Variants in ABCA4 observed in about 807,000 individuals in gnomAD.
ABCA4 encodes the protein ATP binding cassette subfamily A member 4, also known as retinal-specific phospholipid-transporting ATPase ABCA4.
ABCA4 carries 196 observed loss-of-function variants against 263.7 expected under a neutral mutation model. That is an observed-to-expected ratio of 0.74 (90% CI 0.66 to 0.84). ABCA4 has a LOEUF of 0.84. Among genes scored for constraint, ABCA4 ranks in the 40% least tolerant of loss-of-function variants. ABCA4 has a pLI of 0.00. For synonymous variants in ABCA4, 1,133 were observed against 1,094.2 expected (o/e 1.04, Z -0.70); for missense variants, 2,792 against 2,855.1 (o/e 0.98, Z 0.50).
chr1:94,060,792 G>A (rs1661102118), intron 13 of ABCA4, 33 bp from the exon 14 acceptor site: 1 of 1,511,660 alleles, frequency 6.6e-7, no homozygotes, highest in South Asian at 1.2e-5. Context: ...GAATAGTAGA[G>A]TGCTCTGTAC....
chr1:94,115,991 G>T (rs542452355), intron 1 of ABCA4, among the ~76,000 whole-genome samples: 175 of 152,266 alleles, frequency 1.1e-3, no homozygotes, highest in African/African-American at 4.0e-3. Flanking sequence ...TGGCCTGCCT[G>T]TTCCAGGGGT....
intron 30 of ABCA4, among the ~76,000 whole-genome samples, chr1:94,027,263 TACTGAA>T (rs1389439501): frequency 1.3e-4 from 20 of 152,190 alleles, no homozygotes; most frequent in African/African-American, 4.8e-4. Flanking sequence ...GGACCAACAC[TACTGAA>T]AATAAGTTTC....
At chr1:94,059,839 G>T (rs2101074078) in intron 14 of ABCA4, among the ~76,000 whole-genome samples, 1 of 152,252 alleles carries the variant, frequency 6.6e-6, no homozygotes, top group East Asian at 1.9e-4. Context: ...TAAAAATGAA[G>T]GATAGCAGCG....
At chr1:94,024,845 A>C in intron 31 of ABCA4, 109 bp downstream of exon 31, 1 of 990,602 alleles carries the variant, frequency 1.0e-6, no homozygotes, top group South Asian at 1.5e-5. Flanking sequence ...AAAGAAAAAA[A>C]TCTACTGCCC....
In ABCA4 at chr1:94,031,782, G is replaced by T. The variant is rs1267585230; in HGVS notation, c.4124C>A (p.Ala1375Glu). The T allele has an allele frequency of 6.2e-7, 1 of 1,613,600 alleles. No homozygotes were observed. Among genetic ancestry groups the T allele is most frequent in the East Asian group, 2.2e-5 (1 of 44,882 alleles). The change falls in exon 27 of 50, where the codon GCG becomes GAG. Residue 1375 changes from alanine to glutamate, a missense_variant. Ala to Glu is a moderately radical substitution (Grantham distance 107). Transcript: ENST00000370225. ...HTIRSHKDFLAQIVLPATFVF... is the reference protein window; with the variant it reads ...HTIRSHKDFLEQIVLPATFVF... ...AACACCGACCGACAATAGTACCTGCGCCAGGAAGTCCTTGTGGCTGCGGAT... is the reference window on the plus strand; with the variant it reads ...AACACCGACCGACAATAGTACCTGCTCCAGGAAGTCCTTGTGGCTGCGGAT...
rs764170051 is a variant in ABCA4, at chr1:94,077,881, G to A, written c.1363C>T (p.Leu455=). Residue 455 remains leucine (L), a synonymous_variant, in exon 11 of 50, where the codon CTG becomes TTG. Coordinates refer to ENST00000370225, the MANE Select transcript of ABCA4 (RefSeq NM_000350.3). ...AAGTCTTTTACTGTTGGGTTCCCCA[G>A]GGTATCCTTGGGAAGAAGAAATACA... ...STQMNMIRDT[L]GNPTVKDFLN... 1.9e-6 allele frequency: 3 copies of A among 1,613,864 alleles called. No homozygotes were observed. Among genetic ancestry groups the A allele is most frequent in the Middle Eastern group, 1.6e-4 (1 of 6,080 alleles).
At chr1:94,109,023 C>T (rs1457200735) in intron 3 of ABCA4, among the ~76,000 whole-genome samples, 1 of 152,164 alleles carries the variant, frequency 6.6e-6, no homozygotes, top group African/African-American at 2.4e-5. Flanking sequence ...CCACCCGCCT[C>T]AGCCTCCCAA....
At position 94,111,445 on chromosome 1, in the gene ABCA4, T is replaced by C. The variant is rs575809706; in HGVS notation, c.295A>G (p.Asn99Asp). Reference sequence around the variant, plus strand: ...AGGGATCTCAACACTTACATGGAGTTGTTATAGTTTGACACAATTCCAGGA... The same window carrying C: ...AGGGATCTCAACACTTACATGGAGTCGTTATAGTTTGACACAATTCCAGGA... ...ESPGIVSNYN[N>D]SILARVYRDF... Residue 99 changes from asparagine (N) to aspartate (D), a missense_variant, in exon 3 of 50, where the codon AAC becomes GAC. Transcript: ENST00000370225. 2.5e-6 allele frequency: 4 copies of C among 1,614,004 alleles called. No homozygotes were observed. Among genetic ancestry groups the C allele is most frequent in the Non-Finnish European group, 3.4e-6 (4 of 1,179,958 alleles).
Position 94,023,411 on chromosome 1 carries a change from T to C in ABCA4, c.4642A>G (p.Ser1548Gly), listed in dbSNP as rs1211477643. ...YPALIRSSLK[S>G]KFWVNEQRYG... ...CTCTGTTCATTGACCCAGAATTTGCTCTTTAAGCTGAAAGCCAAAATAAAA... is the reference window on the plus strand; with the variant it reads ...CTCTGTTCATTGACCCAGAATTTGCCCTTTAAGCTGAAAGCCAAAATAAAA... Residue 1548 changes from serine (S) to glycine (G), a missense_variant, in exon 32 of 50, where the codon AGC becomes GGC. Transcript: ENST00000370225. The C allele has an allele frequency of 1.9e-6, 3 of 1,609,494 alleles. No individual in the cohort carries two copies. The highest frequency in any genetic ancestry group is 1.7e-5 in the Admixed American group (1 of 59,996).
At chr1:94,106,673 G>T (rs1662445008) in intron 4 of ABCA4, among the ~76,000 whole-genome samples, 1 of 152,186 alleles carries the variant, frequency 6.6e-6, no homozygotes, top group South Asian at 2.1e-4. Flanking sequence ...AAAATCTATG[G>T]TTTACTAGTT....
chr1:94,034,408 G>GT (rs1571266938), intron 26 of ABCA4, among the ~76,000 whole-genome samples: 1 of 151,946 alleles, frequency 6.6e-6, no homozygotes, highest in East Asian at 1.9e-4. Context: ...GTTCAGTCTT[G>GT]TAATGATGTT....
intron 36 of ABCA4, among the ~76,000 whole-genome samples, chr1:94,018,232 C>A (rs1659791683): frequency 6.6e-6 from 1 of 152,246 alleles, no homozygotes; most frequent in African/African-American, 2.4e-5. Flanking sequence ...AACACGTGGG[C>A]CAGCCCCAAG....
chr1:94,007,381 ACT>A (rs111752484), intron 43 of ABCA4, among the ~76,000 whole-genome samples: 47 of 152,334 alleles, frequency 3.1e-4, no homozygotes, highest in African/African-American at 1.1e-3. Context: ...AGAACCACAC[ACT>A]TAGTGCTTCC....
At chr1:94,030,960 C>T (rs759019639) in intron 28 of ABCA4, 36 bp downstream of exon 28, 4 of 1,613,514 alleles carry the variant, frequency 2.5e-6, no homozygotes, top group Admixed American at 3.3e-5. Context: ...GTGCCCCAAA[C>T]CCACAGAGGA....
At chr1:94,007,577 A>G (rs1659424934) in intron 43 of ABCA4, 57 bp downstream of exon 43, 1 of 1,454,282 alleles carries the variant, frequency 6.9e-7, no homozygotes, top group Non-Finnish European at 9.7e-7. Flanking sequence ...CACCCTTCCT[A>G]TTCTTCTCAC....
At chr1:94,104,491 T>A (rs1190446233) in intron 4 of ABCA4, among the ~76,000 whole-genome samples, 1 of 152,176 alleles carries the variant, frequency 6.6e-6, no homozygotes, top group Non-Finnish European at 1.5e-5. Flanking sequence ...ACCCTTCTCA[T>A]CCCCAGGTTG....
chr1:94,088,277 T>C (rs1661884597), intron 6 of ABCA4, among the ~76,000 whole-genome samples: 1 of 152,222 alleles, frequency 6.6e-6, no homozygotes, highest in African/African-American at 2.4e-5. Flanking sequence ...TGGTTTGCTT[T>C]GCTACTTCTC....
At chr1:94,050,313 T>A (rs1660800837) in intron 17 of ABCA4, among the ~76,000 whole-genome samples, 1 of 152,204 alleles carries the variant, frequency 6.6e-6, no homozygotes, top group Non-Finnish European at 1.5e-5. Context: ...TGCCAGGCAA[T>A]GCATGTGCAT....
intron 14 of ABCA4, 83 bp from the exon 15 acceptor site, chr1:94,056,905 C>T (rs960176774): frequency 9.7e-6 from 11 of 1,130,112 alleles, no homozygotes; most frequent in African/African-American, 4.6e-5. Context: ...TCTCTCCCAC[C>T]AGCCTGCAGT....
Sources: allele counts gnomAD v4.1 joint callset (sites outside exome capture counted in the v4.1 genomes callset), GRCh38; gene constraint gnomAD v4.1.1; transcripts MANE v1.5; gene names NCBI Gene and HGNC (gene_info 2026-07-23, HGNC 2026-07-21).